UBXN4: variants seen among roughly 807,000 people sequenced by gnomAD.
UBXN4 encodes the protein UBX domain protein 4.
Under a neutral mutation model 66.2 loss-of-function variants are expected in UBXN4, and 35 were observed. That is an observed-to-expected ratio of 0.53 (90% CI 0.40 to 0.70). UBXN4 has a LOEUF of 0.70. UBXN4 is among the 30% of genes least tolerant of loss of function. The pLI, the probability that UBXN4 is intolerant of heterozygous loss-of-function variation, is 0.00. For synonymous variants in UBXN4, 203 were observed against 204.5 expected (o/e 0.99, Z 0.06); for missense variants, 533 against 599.8 (o/e 0.89, Z 1.16).
Position 135,778,797 on chromosome 2 carries a change from G to A in UBXN4, c.1054-151G>A, listed in dbSNP as rs1575324634. ...TTGATAGCTTTTCAGCTGCTTAGGG[G>A]CTGGAAGCACAATTTTATACCTTTT... On this transcript the variant is annotated intron_variant, in intron 10 of 12. Transcript: ENST00000272638. 4 of 835,578 alleles carry A rather than the reference G, an allele frequency of 4.8e-6. No homozygotes were observed. In the East Asian group the frequency reaches 9.3e-5, roughly 19 times the overall value. 51.8% of individuals were successfully genotyped at this position (835,578 alleles called of 1,614,324 possible).
chr2:135,746,893 T>C (rs547760873), intron 1 of UBXN4, among the ~76,000 whole-genome samples: 1 of 151,676 alleles, frequency 6.6e-6, no homozygotes, highest in South Asian at 2.1e-4. Flanking sequence ...TTTTTTTTTT[T>C]AGAGAAAGTT....
At chr2:135,754,126 A>G in intron 3 of UBXN4, 33 bp from the exon 4 acceptor site, 1 of 1,476,046 alleles carries the variant, frequency 6.8e-7, no homozygotes, top group Non-Finnish European at 9.3e-7. Flanking sequence ...CTTTCGTTTC[A>G]CATGAATTGT....
At chr2:135,772,353 T>G in intron 8 of UBXN4, 67 bp from the exon 9 acceptor site, 1 of 1,561,636 alleles carries the variant, frequency 6.4e-7, no homozygotes, top group Non-Finnish European at 8.7e-7. Flanking sequence ...CATGCATATT[T>G]GTTTGGAATT....
rs1279780004 is a variant in UBXN4 at position 135,783,882 on chromosome 2, T to C, written c.*995T>C. 7.2e-5 allele frequency: 11 copies of C among 152,234 alleles called. No homozygotes were observed. Among genetic ancestry groups the C allele is most frequent in the Admixed American group, 7.2e-4 (11 of 15,286 alleles). 9.4% of individuals were successfully genotyped at this position (152,234 alleles called of 1,614,324 possible). A position where few individuals can be genotyped will look rare whatever the true frequency, so the allele number is the denominator to read the frequency against. On this transcript the variant is annotated 3_prime_UTR_variant, in exon 13 of 13. Coordinates refer to ENST00000272638, the MANE Select transcript of UBXN4 (RefSeq NM_014607.4). ...TACTTTATCCGTATGTCTTTGTTAG[T>C]GGAGACCGCTAAACTAATGATGTTT...
intron 5 of UBXN4, among the ~76,000 whole-genome samples, chr2:135,761,042 T>C (rs1290907478): frequency 3.3e-5 from 5 of 152,216 alleles, no homozygotes; most frequent in African/African-American, 1.2e-4. Context: ...GTATTTCTTA[T>C]AACAACCGTG....
chr2:135,757,874 G>A (rs2077287779), intron 5 of UBXN4, among the ~76,000 whole-genome samples: 1 of 151,348 alleles, frequency 6.6e-6, no homozygotes, highest in South Asian at 2.1e-4. Context: ...CTTAAGCCCA[G>A]GAGTTTGAGA....
intron 9 of UBXN4, among the ~76,000 whole-genome samples, chr2:135,775,967 C>CCGTG (rs1398027453): frequency 6.6e-6 from 1 of 152,206 alleles, no homozygotes; most frequent in Non-Finnish European, 1.5e-5. Flanking sequence ...CAGGGTTTCA[C>CCGTG]CACGTTGGCC....
At chr2:135,749,010 A>G (rs1003238561) in intron 2 of UBXN4, among the ~76,000 whole-genome samples, 31 of 152,030 alleles carry the variant, frequency 2.0e-4, no homozygotes, top group African/African-American at 7.0e-4. Flanking sequence ...CCACTGCACT[A>G]TAGCCTGGGC....
At chr2:135,772,653 TC>T in intron 9 of UBXN4, 106 bp downstream of exon 9, 1 of 1,391,664 alleles carries the variant, frequency 7.2e-7, no homozygotes, top group Non-Finnish European at 9.8e-7. Context: ...AGCAGTCCAT[TC>T]CAGAGGGACA....
rs1243423088 is a variant in UBXN4 at position 135,754,252 on chromosome 2, T to G, written c.308T>G (p.Val103Gly). Reference sequence around the variant, plus strand: ...GGAAGTGTTTCTGCAGATGAACTTGTTACAAGAATTCACAAGGTCCGACAG... The same window carrying G: ...GGAAGTGTTTCTGCAGATGAACTTGGTACAAGAATTCACAAGGTCCGACAG... ...IAGSVSADEL[V>G]TRIHKVRQMH... The change falls in exon 4 of 13, where the codon GTT (valine) becomes GGT (glycine). Residue 103 changes from valine (V) to glycine (G), a missense_variant. Coordinates refer to ENST00000272638, the MANE Select transcript of UBXN4 (RefSeq NM_014607.4). The G allele has an allele frequency of 6.2e-7, 1 of 1,613,924 alleles. No individual in the cohort carries two copies. The highest frequency in any genetic ancestry group is 1.1e-5 in the South Asian group (1 of 91,076).
In UBXN4 at chr2:135,746,035, G is replaced by A. The variant is rs189209519; in HGVS notation, c.83-2232G>A. Reference sequence around the variant, plus strand: ...TGGGACTACAGGTGTGTGTCACCACGCACAGCTAATTTTTGTATTTTTAGT... The same window carrying A: ...TGGGACTACAGGTGTGTGTCACCACACACAGCTAATTTTTGTATTTTTAGT... On this transcript the variant is annotated intron_variant, in intron 1 of 12. Transcript: ENST00000272638. Among the ~76,000 whole-genome samples the A allele has an allele frequency of 4.0e-5, 6 of 151,890 alleles. No individual in the cohort carries two copies. The East Asian group carries it at 9.7e-4, about 25-fold the overall frequency.
chr2:135,765,897 A>G (rs560502922), intron 6 of UBXN4, among the ~76,000 whole-genome samples: 2 of 152,192 alleles, frequency 1.3e-5, no homozygotes, highest in South Asian at 4.1e-4. Flanking sequence ...TCATGCCTGT[A>G]ATCCCAGCAC....
chr2:135,782,799 A>G lies in UBXN4; in HGVS notation c.1439A>G (p.Lys480Arg). 1 of 1,614,084 alleles carries G rather than the reference A, an allele frequency of 6.2e-7. No homozygotes were observed. The highest frequency in any genetic ancestry group is 8.5e-7 in the Non-Finnish European group (1 of 1,179,968). The change falls in exon 13 of 13, where the codon AAG becomes AGG. Residue 480 changes from lysine to arginine, a missense_variant. By Grantham distance (26) the Lys-to-Arg change is conservative (BLOSUM62 2). Around this residue, in one of 2 missense-constraint regions of UBXN4, gnomAD observed 529 missense variants for 580.1 expected, o/e 0.91. Coordinates refer to ENST00000272638, the MANE Select transcript of UBXN4 (RefSeq NM_014607.4). Reference protein sequence around the residue: ...VLEKRGDDFKKEGKIYRLRTQ... With the variant: ...VLEKRGDDFKREGKIYRLRTQ... The stretch of plus-strand genomic sequence containing the variant: ...GAAAAACGTGGAGACGACTTTAAAA[A>G]GGAGGGGAAAATTTATAGATTAAGG...
intron 6 of UBXN4, among the ~76,000 whole-genome samples, chr2:135,768,347 T>C (rs1313478332): frequency 6.9e-6 from 1 of 144,376 alleles, no homozygotes; most frequent in African/African-American, 2.6e-5. Flanking sequence ...TACAGGCGCA[T>C]GCCACCACAC....
chr2:135,770,191 A>G (rs998745896), intron 7 of UBXN4, among the ~76,000 whole-genome samples: 1 of 152,210 alleles, frequency 6.6e-6, no homozygotes, highest in Non-Finnish European at 1.5e-5. Flanking sequence ...ATTCTAGCAC[A>G]TGGTTCATTT....
chr2:135,745,171 G>A (rs2077199572), intron 1 of UBXN4, among the ~76,000 whole-genome samples: 1 of 152,168 alleles, frequency 6.6e-6, no homozygotes, highest in African/African-American at 2.4e-5. Flanking sequence ...CATACATCTG[G>A]TTGGATAAAC....
At chr2:135,748,984 G>A (rs1023933100) in intron 2 of UBXN4, among the ~76,000 whole-genome samples, 8 of 151,896 alleles carry the variant, frequency 5.3e-5, no homozygotes, top group Non-Finnish European at 1.2e-4. Context: ...TGAGGCTGCA[G>A]TTAGCAGTGA....
chr2:135,780,315 A>G lies in UBXN4; in HGVS notation c.1318A>G (p.Thr440Ala), dbSNP rs913705741. The G allele has an allele frequency of 1.2e-6, 2 of 1,614,064 alleles. No individual in the cohort carries two copies. The highest frequency in any genetic ancestry group is 2.7e-5 in the African/African-American group (2 of 74,924). ...TTTCTTGTTTAGTAATCCGCCTCCC[A>G]CACAGACTTCAGTGAGAGTAACATC... Reference protein sequence around the residue: ...SNFLFSNPPPTQTSVRVTSSE... With the variant: ...SNFLFSNPPPAQTSVRVTSSE... The change falls in exon 12 of 13, where the codon ACA (threonine) becomes GCA (alanine). Residue 440 changes from threonine to alanine, a missense_variant. Thr to Ala is a moderately conservative substitution (Grantham distance 58). Coordinates refer to ENST00000272638, the MANE Select transcript of UBXN4 (RefSeq NM_014607.4).
intron 1 of UBXN4, among the ~76,000 whole-genome samples, chr2:135,745,875 CTTTTTTTTTTT>C (rs59946844): frequency 1.3e-5 from 1 of 74,398 alleles, no homozygotes; most frequent in Non-Finnish European, 2.3e-5. Flanking sequence ...GTCCCGTTTA[CTTTTTTTTTTT>C]TTTTTTTTTT....
Sources: allele counts gnomAD v4.1 joint callset (sites outside exome capture counted in the v4.1 genomes callset), GRCh38; gene constraint gnomAD v4.1.1; regional missense constraint gnomAD v4.1.1; transcripts MANE v1.5; gene names NCBI Gene and HGNC (gene_info 2026-07-23, HGNC 2026-07-21).